GNAT3: variants seen among roughly 807,000 people sequenced by gnomAD.
The protein encoded by GNAT3 is guanine nucleotide-binding protein G(t) subunit alpha-3.
Under a neutral mutation model 37.7 loss-of-function variants are expected in GNAT3, and 31 were observed. The ratio of observed to expected loss-of-function variants is 0.82; its 90% confidence interval spans 0.62 to 1.11. The LOEUF (loss-of-function observed/expected upper bound fraction) is 1.11, where lower values mean the gene tolerates loss of function less well. Among genes scored for constraint, GNAT3 ranks in the 50% most tolerant of loss-of-function variants. The pLI is 0.00. For missense variants in GNAT3, 437 were observed against 412.5 expected (o/e 1.06, Z -0.51); for synonymous variants, 138 against 139.8 (o/e 0.99, Z 0.09).
At chr7:80,511,483 A>T (rs559802375) in intron 1 of GNAT3, among the ~76,000 whole-genome samples, 7 of 152,214 alleles carry the variant, frequency 4.6e-5, no homozygotes, top group Admixed American at 3.9e-4. Context: ...CAGTATTAAA[A>T]AGCTGACATT....
rs75420515 is a variant in GNAT3, at chr7:80,485,327, T to C, written c.303+3208A>G. 9.6e-3 allele frequency among the ~76,000 whole-genome samples: 1,468 copies of C among 152,218 alleles called. 109 individuals are homozygous for C. The East Asian group carries it at 0.2, about 21-fold the overall frequency. Reference sequence around the variant, plus strand: ...CCAATAACACCTAGATTTAGATCTCTAGACAAAGTGTCCATTTTGGGCTTC... The same window carrying C: ...CCAATAACACCTAGATTTAGATCTCCAGACAAAGTGTCCATTTTGGGCTTC... On this transcript the variant is annotated intron_variant, in intron 3 of 7. Transcript: ENST00000398291.
intron 3 of GNAT3, among the ~76,000 whole-genome samples, chr7:80,479,684 C>T (rs1404521465): frequency 1.5e-5 from 2 of 133,586 alleles, no homozygotes; most frequent in African/African-American, 6.1e-5. Flanking sequence ...ACATTTCAGC[C>T]TAGGTGACAG....
chr7:80,508,329 A>G lies in GNAT3; in HGVS notation c.118+3480T>C, dbSNP rs532801111. Among the ~76,000 whole-genome samples, 5 of 152,108 alleles carry G rather than the reference A, an allele frequency of 3.3e-5. No homozygotes were observed. The East Asian group carries it at 7.7e-4, about 23-fold the overall frequency. On this transcript the variant is annotated intron_variant, in intron 1 of 7. Coordinates refer to ENST00000398291, the MANE Select transcript of GNAT3 (RefSeq NM_001102386.3). Reference sequence around the variant, plus strand: ...TAAACTCAAACTGAAATTTGATGTAATAAGCATAAAGAGAGGAGAAAGGAA... The same window carrying G: ...TAAACTCAAACTGAAATTTGATGTAGTAAGCATAAAGAGAGGAGAAAGGAA...
chr7:80,490,315 C>A (rs1458720995), intron 2 of GNAT3, among the ~76,000 whole-genome samples: 1 of 152,092 alleles, frequency 6.6e-6, no homozygotes, highest in Non-Finnish European at 1.5e-5. Context: ...CTAGCAGCTG[C>A]CATATTTCAA....
intron 1 of GNAT3, among the ~76,000 whole-genome samples, chr7:80,496,809 A>G (rs539434041): frequency 1.9e-4 from 29 of 151,710 alleles, no homozygotes; most frequent in African/African-American, 7.0e-4. Flanking sequence ...CTCGATGAAC[A>G]GATATAGCTA....
Position 80,497,875 on chromosome 7 carries a change from T to A in GNAT3, c.119-3228A>T, listed in dbSNP as rs1365590013. ...AAATTTATTTAAAAGATGATATAAT[T>A]TCTACAATAAAGTGAAAATAATTTA... On this transcript the variant is annotated intron_variant, in intron 1 of 7. Coordinates refer to ENST00000398291, the MANE Select transcript of GNAT3 (RefSeq NM_001102386.3). Among the ~76,000 whole-genome samples, 6 of 152,100 alleles carry A rather than the reference T, an allele frequency of 3.9e-5. No individual in the cohort carries two copies. The East Asian group carries it at 1.2e-3, about 29-fold the overall frequency.
At chr7:80,467,677 C>T (rs530956947) in intron 5 of GNAT3, among the ~76,000 whole-genome samples, 3 of 152,032 alleles carry the variant, frequency 2.0e-5, no homozygotes, top group South Asian at 4.2e-4. Context: ...GAATATTCTC[C>T]CTTATGCATA....
intron 6 of GNAT3, 64 bp downstream of exon 6, chr7:80,462,438 G>A: frequency 6.3e-7 from 1 of 1,580,134 alleles, no homozygotes; most frequent in Admixed American, 1.7e-5. Flanking sequence ...GGGCAATGTG[G>A]TAGTACTACT....
intron 2 of GNAT3, among the ~76,000 whole-genome samples, chr7:80,490,531 T>A (rs1790571725): frequency 6.6e-6 from 1 of 152,188 alleles, no homozygotes; most frequent in African/African-American, 2.4e-5. Flanking sequence ...GAAGCAGTGA[T>A]AATCAGCTGA....
At position 80,493,924 on chromosome 7, in the gene GNAT3, C is replaced by T. The variant is rs1258576384; in HGVS notation, c.161+681G>A. The stretch of plus-strand genomic sequence containing the variant: ...CTGCACCTCCTCCTCCTTTCCTCCT[C>T]CTCCTTCTCTTCCTGCTGTTGTTGC... On this transcript the variant is annotated intron_variant, in intron 2 of 7. Coordinates refer to ENST00000398291, the MANE Select transcript of GNAT3 (RefSeq NM_001102386.3). Among the ~76,000 whole-genome samples, 5 of 151,714 alleles carry T rather than the reference C, an allele frequency of 3.3e-5. 1 individual carries two copies. The highest frequency in any genetic ancestry group is 2.6e-4 in the Admixed American group (4 of 15,160).
At chr7:80,500,074 G>A (rs1281761652) in intron 1 of GNAT3, among the ~76,000 whole-genome samples, 3 of 152,050 alleles carry the variant, frequency 2.0e-5, no homozygotes, top group African/African-American at 7.2e-5. Context: ...CCATGTAAGA[G>A]CCAATGTCTT....
At chr7:80,507,657 G>T (rs771775742) in intron 1 of GNAT3, among the ~76,000 whole-genome samples, 1 of 151,906 alleles carries the variant, frequency 6.6e-6, no homozygotes, top group East Asian at 1.9e-4. Flanking sequence ...TCCACCTCAG[G>T]TGATTTAAAA....
chr7:80,490,146 AATACATT>A (rs1350972282), intron 2 of GNAT3, among the ~76,000 whole-genome samples: 2 of 152,192 alleles, frequency 1.3e-5, no homozygotes, highest in Admixed American at 6.5e-5. Context: ...GTGTTAAAGA[AATACATT>A]ATACAAGTCT....
intron 3 of GNAT3, chr7:80,487,909 G>A (rs1562727799): frequency 6.6e-6 from 1 of 152,044 alleles, no homozygotes; most frequent in Non-Finnish European, 1.5e-5. Context: ...AACTTTTAAA[G>A]TAAGTGGATT....
intron 5 of GNAT3, among the ~76,000 whole-genome samples, chr7:80,469,676 C>T (rs549079505): frequency 2.6e-5 from 4 of 152,086 alleles, no homozygotes; most frequent in African/African-American, 9.6e-5. Flanking sequence ...TTTAAATAGT[C>T]ATAAGACATC....
At chr7:80,498,601 TC>T (rs2116217082) in intron 1 of GNAT3, among the ~76,000 whole-genome samples, 1 of 152,258 alleles carries the variant, frequency 6.6e-6, no homozygotes, top group East Asian at 1.9e-4. Flanking sequence ...TAATTCTAGG[TC>T]ATAGTTCACA....
At chr7:80,495,020 A>G (rs1790689060) in intron 1 of GNAT3, among the ~76,000 whole-genome samples, 1 of 152,068 alleles carries the variant, frequency 6.6e-6, no homozygotes, top group Admixed American at 6.6e-5. Flanking sequence ...TTAACTTAAG[A>G]TAGTGGTCTC....
rs1213827900 is a variant in GNAT3 at position 80,458,855 on chromosome 7, T to A, written c.881A>T (p.Asn294Ile). 4.5e-6 allele frequency: 7 copies of A among 1,570,836 alleles called. No individual in the cohort carries two copies. Among genetic ancestry groups the A allele is most frequent in the Non-Finnish European group, 6.0e-6 (7 of 1,161,332 alleles). The change falls in exon 8 of 8, where the codon AAT becomes ATT. Residue 294 changes from asparagine to isoleucine, a missense_variant. Asn to Ile is a moderately radical substitution (Grantham distance 149). Transcript: ENST00000398291. ...SICFPEYTGP[N>I]TFEDAGNYIK... is the part of the protein sequence containing the mutation. ...GTAGTTTCCTGCATCTTCAAATGTA[T>A]TTGGCCCTTGTTAAACAAAATATTT...
chr7:80,487,702 T>G (rs1353601195), intron 3 of GNAT3: 2 of 152,118 alleles, frequency 1.3e-5, no homozygotes, highest in Admixed American at 6.6e-5. Flanking sequence ...TTCCAAGAAT[T>G]ACGTTGGTAG....
Sources: allele counts gnomAD v4.1 joint callset (sites outside exome capture counted in the v4.1 genomes callset), GRCh38; gene constraint gnomAD v4.1.1; transcripts MANE v1.5; gene names NCBI Gene and HGNC (gene_info 2026-07-23, HGNC 2026-07-21).